Variants in DENND5A observed in about 807,000 individuals in gnomAD.
DENND5A encodes DENN domain-containing protein 5A.
Under a neutral mutation model 140.3 loss-of-function variants are expected in DENND5A, and 64 were observed. The observed-to-expected ratio is 0.46, with a 90% CI of 0.37 to 0.56. The LOEUF is 0.56. Among genes scored for constraint, DENND5A ranks in the 20% least tolerant of loss-of-function variants. The probability of loss-of-function intolerance (pLI) is 0.00; values close to 1 mark genes in which losing one functional copy is unlikely to be tolerated. For missense variants in DENND5A, 1,292 were observed against 1,593.8 expected (o/e 0.81, Z 3.22); for synonymous variants, 605 against 607.7 (o/e 1.00, Z 0.07).
intron 4 of DENND5A, among the ~76,000 whole-genome samples, chr11:9,194,432 G>C (rs988816025): frequency 3.3e-5 from 5 of 151,948 alleles, no homozygotes; most frequent in African/African-American, 1.2e-4. Context: ...AGCCGGGCGT[G>C]GTGGCATGCA....
intron 17 of DENND5A, 138 bp downstream of exon 17, chr11:9,145,532 A>G: frequency 3.1e-6 from 3 of 962,360 alleles, no homozygotes; most frequent in Non-Finnish European, 4.8e-6. Flanking sequence ...CCAGCCTCAG[A>G]TCATCTCAGG....
At chr11:9,165,208 G>A (rs1031431608) in intron 11 of DENND5A, among the ~76,000 whole-genome samples, 13 of 151,934 alleles carry the variant, frequency 8.6e-5, no homozygotes, top group African/African-American at 3.1e-4. Flanking sequence ...TACCATGTTG[G>A]CCAGGCTGGT....
At chr11:9,251,139 A>C (rs1413633404) in intron 1 of DENND5A, among the ~76,000 whole-genome samples, 1 of 126,254 alleles carries the variant, frequency 7.9e-6, no homozygotes, top group East Asian at 2.1e-4. Context: ...CATCTCAAAC[A>C]AAAAAAAAAA....
At chr11:9,225,153 A>G (rs528845516) in intron 1 of DENND5A, among the ~76,000 whole-genome samples, 1 of 152,176 alleles carries the variant, frequency 6.6e-6, no homozygotes, top group Non-Finnish European at 1.5e-5. Context: ...TAAAAATCAC[A>G]ATTTTTGGCA....
At chr11:9,214,259 C>T (rs1166560646) in intron 1 of DENND5A, among the ~76,000 whole-genome samples, 1 of 152,152 alleles carries the variant, frequency 6.6e-6, no homozygotes, top group African/African-American at 2.4e-5. Context: ...TCTGGCTGCT[C>T]CAGCATTTCA....
chr11:9,145,162 G>C lies in DENND5A; in HGVS notation c.3004-49C>G, dbSNP rs919366813. On this transcript the variant is annotated intron_variant, in intron 17 of 22. Transcript: ENST00000328194. ...GGTAGGTCAGGAAAATCAGAGAAAA[G>C]AACAGTAGTTCTCGGAGGCACAGAT... The C allele has an allele frequency of 2.9e-6, 4 of 1,367,434 alleles. No individual in the cohort carries two copies. In the Admixed American group the frequency reaches 6.7e-5, roughly 23 times the overall value. The allele number at this position is 1,367,434 out of a possible 1,614,324, so 84.7% of individuals were successfully genotyped here.
At position 9,206,002 on chromosome 11, in the gene DENND5A, C is replaced by T. The variant is rs115538048; in HGVS notation, c.291+671G>A. 2.3e-3 allele frequency among the ~76,000 whole-genome samples: 344 copies of T among 152,276 alleles called. 1 individual carries two copies. Among genetic ancestry groups the T allele is most frequent in the African/African-American group, 7.9e-3 (329 of 41,556 alleles). On this transcript the variant is annotated intron_variant, in intron 3 of 22. Coordinates refer to ENST00000328194, the MANE Select transcript of DENND5A (RefSeq NM_015213.4). ...CCAACTCAACTACTTATTGGCCATG[C>T]GAGCTTGAATACATTACCTAACCTC...
At chr11:9,163,781 G>A (rs1848073473) in intron 11 of DENND5A, among the ~76,000 whole-genome samples, 1 of 148,118 alleles carries the variant, frequency 6.8e-6, no homozygotes, top group Non-Finnish European at 1.5e-5. Context: ...TCCAGCCTGG[G>A]TGACACAGTG....
chr11:9,160,427 C>T (rs1847940531), intron 12 of DENND5A, among the ~76,000 whole-genome samples: 1 of 152,232 alleles, frequency 6.6e-6, no homozygotes, highest in Non-Finnish European at 1.5e-5. Context: ...TATCTCTAGA[C>T]TAGGGCCAGC....
chr11:9,218,000 T>C (rs1044610715), intron 1 of DENND5A, among the ~76,000 whole-genome samples: 8 of 152,256 alleles, frequency 5.3e-5, no homozygotes, highest in Non-Finnish European at 1.2e-4. Context: ...CAGTGGCTCA[T>C]GCCTGTAATC....
intron 12 of DENND5A, among the ~76,000 whole-genome samples, chr11:9,152,726 G>A (rs1472914451): frequency 6.6e-6 from 1 of 152,074 alleles, no homozygotes; most frequent in Non-Finnish European, 1.5e-5. Context: ...AAAAGCAGCT[G>A]GGCACGGTGG....
chr11:9,218,253 C>A (rs6486215), intron 1 of DENND5A, among the ~76,000 whole-genome samples: 1 of 150,924 alleles, frequency 6.6e-6, no homozygotes. Flanking sequence ...AGCAAGACCC[C>A]GTCTCAAAAA....
chr11:9,218,624 C>T (rs746429764), intron 1 of DENND5A, among the ~76,000 whole-genome samples: 1 of 151,932 alleles, frequency 6.6e-6, no homozygotes, highest in African/African-American at 2.4e-5. Flanking sequence ...GTGGGAAGAT[C>T]GCTAGAGCCC....
intron 12 of DENND5A, among the ~76,000 whole-genome samples, chr11:9,158,738 T>C (rs1246592088): frequency 6.6e-6 from 1 of 152,088 alleles, no homozygotes; most frequent in Non-Finnish European, 1.5e-5. Context: ...CATCTAAAAA[T>C]TAGTTAAGGA....
At chr11:9,207,016 A>G (rs1849712518) in intron 2 of DENND5A, among the ~76,000 whole-genome samples, 1 of 152,222 alleles carries the variant, frequency 6.6e-6, no homozygotes, top group African/African-American at 2.4e-5. Context: ...TTCTTCTTCA[A>G]AATGAAATTA....
At chr11:9,244,225 G>A (rs2136278448) in intron 1 of DENND5A, among the ~76,000 whole-genome samples, 1 of 152,332 alleles carries the variant, frequency 6.6e-6, no homozygotes, top group South Asian at 2.1e-4. Context: ...TATTTCTGCT[G>A]TGGTTTAAAT....
chr11:9,216,715 GA>G (rs1850107857), intron 1 of DENND5A, among the ~76,000 whole-genome samples: 1 of 152,134 alleles, frequency 6.6e-6, no homozygotes, highest in Non-Finnish European at 1.5e-5. Flanking sequence ...AACCAACCTG[GA>G]CAATGTAACG....
intron 11 of DENND5A, among the ~76,000 whole-genome samples, chr11:9,163,530 T>C (rs9888257): frequency 0.22 from 33,463 of 151,960 alleles, 3,938 homozygotes; most frequent in African/African-American, 0.29. Flanking sequence ...AGGCCAGTTG[T>C]GCAGTGCCTC....
At chr11:9,208,251 A>C (rs961607395) in intron 1 of DENND5A, among the ~76,000 whole-genome samples, 1 of 152,242 alleles carries the variant, frequency 6.6e-6, no homozygotes, top group African/African-American at 2.4e-5. Flanking sequence ...ACCATTTCAC[A>C]GGAAGGCTAT....
Sources: allele counts gnomAD v4.1 joint callset (sites outside exome capture counted in the v4.1 genomes callset), GRCh38; gene constraint gnomAD v4.1.1; transcripts MANE v1.5; gene names NCBI Gene and HGNC (gene_info 2026-07-23, HGNC 2026-07-21).